Variants in GPRIN3 observed in about 807,000 individuals in gnomAD.
GPRIN3 encodes the protein G protein-regulated inducer of neurite outgrowth 3.
GPRIN3 carries 12 observed loss-of-function variants against 13.7 expected under a neutral mutation model. The ratio of observed to expected loss-of-function variants is 0.87; its 90% CI spans 0.56 to 1.42. The LOEUF is 1.42. Ranked by LOEUF, GPRIN3 falls within the 40% of genes most tolerant of loss-of-function variation. The probability of loss-of-function intolerance (pLI) is 0.00; values close to 1 mark genes in which losing one functional copy is unlikely to be tolerated. For missense variants in GPRIN3, 1,009 were observed against 958.7 expected (o/e 1.05, Z -0.69); for synonymous variants, 377 against 372.7 (o/e 1.01, Z -0.13).
In GPRIN3 at chr4:89,238,212, A is replaced by C. The variant is rs1305565311; in HGVS notation, c.*9568T>G. 1 of 152,062 alleles carries C rather than the reference A, an allele frequency of 6.6e-6. No individual in the cohort carries two copies. Among genetic ancestry groups the C allele is most frequent in the African/African-American group, 2.4e-5 (1 of 41,416 alleles). The allele number at this position is 152,062 out of a possible 1,614,324, so 9.4% of individuals were successfully genotyped here. ...AAGTTCATGGGAAATTCACTAAATC[A>C]TTGTTTTGAGATTTGGGTTTCATAT... is the stretch of plus-strand genomic sequence containing the variant. On this transcript the variant is annotated 3_prime_UTR_variant, in exon 2 of 2. Coordinates refer to ENST00000609438, the MANE Select transcript of GPRIN3 (RefSeq NM_198281.3).
At chr4:89,275,422 A>T (rs1724066682) in intron 1 of GPRIN3, among the ~76,000 whole-genome samples, 1 of 152,204 alleles carries the variant, frequency 6.6e-6, no homozygotes, top group African/African-American at 2.4e-5. Context: ...CAGCCACTCA[A>T]TGCTGGATTG....
At position 89,247,003 on chromosome 4, in the gene GPRIN3, G is replaced by T. The variant is rs1723118736; in HGVS notation, c.*777C>A. The T allele has an allele frequency of 6.6e-6, 1 of 152,162 alleles. No homozygotes were observed. The highest frequency in any genetic ancestry group is 2.1e-4 in the South Asian group (1 of 4,828). 9.4% of individuals were successfully genotyped at this position (152,162 alleles called of 1,614,324 possible). On this transcript the variant is annotated 3_prime_UTR_variant, in exon 2 of 2. Coordinates refer to ENST00000609438, the MANE Select transcript of GPRIN3 (RefSeq NM_198281.3). ...CTCTAGGGTAAGAAAATATGAATAT[G>T]TCTGGTCAGAATCACAGAGATGCGC... is the stretch of plus-strand genomic sequence containing the variant.
At chr4:89,274,472 T>C (rs917669111) in intron 1 of GPRIN3, among the ~76,000 whole-genome samples, 23 of 152,188 alleles carry the variant, frequency 1.5e-4, no homozygotes, top group African/African-American at 5.1e-4. Flanking sequence ...CTTGCCTTTT[T>C]GACTATGTTG....
chr4:89,252,567 A>G (rs1723357717), intron 1 of GPRIN3, among the ~76,000 whole-genome samples: 1 of 152,224 alleles, frequency 6.6e-6, no homozygotes. Context: ...ATAAGGCAAA[A>G]TCAAATCCGG....
chr4:89,280,200 C>G (rs1470307793), intron 1 of GPRIN3, among the ~76,000 whole-genome samples: 4 of 152,170 alleles, frequency 2.6e-5, no homozygotes, highest in Non-Finnish European at 5.9e-5. Flanking sequence ...CACCTCCTCT[C>G]TAGTCTTCCT....
In GPRIN3 at chr4:89,248,862, C is replaced by T. The variant is rs781417158; in HGVS notation, c.1249G>A (p.Val417Ile). Residue 417 changes from valine to isoleucine, a missense_variant, in exon 2 of 2, where the codon GTC (valine) becomes ATC (isoleucine). Coordinates refer to ENST00000609438, the MANE Select transcript of GPRIN3 (RefSeq NM_198281.3). Reference protein sequence around the residue: ...ENKLASLPGGVLKTSSINLVS... With the variant: ...ENKLASLPGGILKTSSINLVS... ...AAATTGATTGATGAGGTTTTAAGGA[C>T]CCCACCTGGTAGGCTCGCAAGTTTA... is the stretch of plus-strand genomic sequence containing the variant. 10 of 1,614,082 alleles carry T rather than the reference C, an allele frequency of 6.2e-6. No homozygotes were observed. In the South Asian group the frequency reaches 7.7e-5, roughly 12 times the overall value.
intron 1 of GPRIN3, among the ~76,000 whole-genome samples, chr4:89,253,385 T>A (rs941363505): frequency 2.0e-5 from 3 of 152,206 alleles, no homozygotes; most frequent in African/African-American, 7.2e-5. Flanking sequence ...TCTTACTTAT[T>A]AAACTTTATG....
At chr4:89,284,580 T>C (rs891700916) in intron 1 of GPRIN3, among the ~76,000 whole-genome samples, 5 of 152,212 alleles carry the variant, frequency 3.3e-5, no homozygotes, top group Non-Finnish European at 7.3e-5. Context: ...GTGATTATGG[T>C]AGTAGAATTA....
intron 1 of GPRIN3, among the ~76,000 whole-genome samples, chr4:89,272,420 C>G (rs1416893678): frequency 6.6e-6 from 1 of 152,204 alleles, no homozygotes; most frequent in Non-Finnish European, 1.5e-5. Flanking sequence ...GATTCATGAT[C>G]AGTCACACCA....
In GPRIN3 at chr4:89,244,109, C is replaced by T. The variant is rs1403537115; in HGVS notation, c.*3671G>A. The T allele has an allele frequency of 6.6e-6, 1 of 152,114 alleles. No homozygotes were observed. The highest frequency in any genetic ancestry group is 1.5e-5 in the Non-Finnish European group (1 of 68,020). The allele number at this position is 152,114 out of a possible 1,614,324, so 9.4% of individuals were successfully genotyped here. ...AGGGATTCTCAGAATGACAGGCATT[C>T]CCAGAAATGAGAGGAAAAACATTAG... On this transcript the variant is annotated 3_prime_UTR_variant, in exon 2 of 2. Transcript: ENST00000609438.
intron 1 of GPRIN3, among the ~76,000 whole-genome samples, chr4:89,275,211 G>A (rs1037750668): frequency 6.6e-6 from 1 of 151,870 alleles, no homozygotes; most frequent in Non-Finnish European, 1.5e-5. Context: ...TAGGGGATGG[G>A]TGGGAAGCAA....
At chr4:89,271,173 A>G (rs1723939702) in intron 1 of GPRIN3, among the ~76,000 whole-genome samples, 1 of 152,176 alleles carries the variant, frequency 6.6e-6, no homozygotes, top group Non-Finnish European at 1.5e-5. Context: ...TTGAAACTTC[A>G]CAATAATCCT....
chr4:89,249,170 C>T lies in GPRIN3; in HGVS notation c.941G>A (p.Ser314Asn), dbSNP rs1387034848. 1.9e-6 allele frequency: 3 copies of T among 1,614,094 alleles called. No individual in the cohort carries two copies. In the African/African-American group the frequency reaches 4.0e-5, roughly 22 times the overall value. The change falls in exon 2 of 2, where the codon AGC (serine) becomes AAC (asparagine). Residue 314 changes from serine to asparagine, a missense_variant. Coordinates refer to ENST00000609438, the MANE Select transcript of GPRIN3 (RefSeq NM_198281.3). ...QAESEIKEVP[S>N]RAWQDAEVQA... ...CACCTCCGCATCTTGCCAAGCCCTG[C>T]TGGGAACTTCCTTGATTTCACTTTC...
rs1313519074 is a variant in GPRIN3, at chr4:89,237,095, T to A, written c.*10685A>T. On this transcript the variant is annotated 3_prime_UTR_variant, in exon 2 of 2. Transcript: ENST00000609438. ...AGACGTCAAGCGGGACTAAAAAAGG[T>A]GTAGGGAAATACCATTCTTGAGATG... 1 of 152,148 alleles carries A rather than the reference T, an allele frequency of 6.6e-6. No homozygotes were observed. The highest frequency in any genetic ancestry group is 1.5e-5 in the Non-Finnish European group (1 of 68,028). The allele number at this position is 152,148 out of a possible 1,614,324, so 9.4% of individuals were successfully genotyped here.
chr4:89,254,128 G>GGTGTGTGTGTGTGTGTGT (rs57642647), intron 1 of GPRIN3, among the ~76,000 whole-genome samples: 5,249 of 147,682 alleles, frequency 0.036, 118 homozygotes, highest in Non-Finnish European at 0.051. Flanking sequence ...GTTGCATCTG[G>GGTGTGTGTGTGTGTGTGT]GTGTGTGTGT....
At chr4:89,287,648 C>G (rs886934897) in intron 1 of GPRIN3, among the ~76,000 whole-genome samples, 2 of 152,066 alleles carry the variant, frequency 1.3e-5, no homozygotes, top group African/African-American at 2.4e-5. Context: ...AAATTCAGTT[C>G]TAGACACAAG....
At chr4:89,289,078 G>A (rs966500101) in intron 1 of GPRIN3, among the ~76,000 whole-genome samples, 6 of 150,476 alleles carry the variant, frequency 4.0e-5, no homozygotes, top group East Asian at 3.9e-4. Flanking sequence ...TCTTTGACCC[G>A]AAATGTTGGT....
Position 89,248,260 on chromosome 4 carries a change from T to G in GPRIN3, c.1851A>C (p.Pro617=). 6.2e-7 allele frequency: 1 copy of G among 1,614,198 alleles called. No homozygotes were observed. Among genetic ancestry groups the G allele is most frequent in the Non-Finnish European group, 8.5e-7 (1 of 1,180,022 alleles). The part of the protein sequence containing the change: ...LPSDPMGDSS[P]GSGKKTPSRS... ...GAGATGGGGTCTTCTTGCCAGAACC[T>G]GGGCTGGAGTCACCCATGGGATCAG... Residue 617 remains proline (P), a synonymous_variant, in exon 2 of 2, where the codon CCA becomes CCC. Transcript: ENST00000609438.
rs775857381 is a variant in GPRIN3, at chr4:89,247,798, C to T, written c.2313G>A (p.Pro771=). 1.1e-5 allele frequency: 17 copies of T among 1,609,554 alleles called. No individual in the cohort carries two copies. Among genetic ancestry groups the T allele is most frequent in the Middle Eastern group, 1.7e-4 (1 of 6,052 alleles). Residue 771 remains proline (P), a synonymous_variant, in exon 2 of 2, where the codon CCG becomes CCA. Coordinates refer to ENST00000609438, the MANE Select transcript of GPRIN3 (RefSeq NM_198281.3). The part of the protein sequence containing the change: ...RRPNCCVRPA[P]SSVLD The stretch of plus-strand genomic sequence containing the variant: ...CTCCCTTTCAATCTAACACAGAAGA[C>T]GGGGCAGGACGGACGCAGCAGTTGG...
Sources: gnomAD v4.1 joint callset for allele counts (sites outside exome capture counted in the v4.1 genomes callset) on GRCh38, gnomAD v4.1.1 for gene constraint, MANE v1.5 for transcripts, NCBI Gene and HGNC (gene_info 2026-07-23, HGNC 2026-07-21) for gene names.